The following C1orf105 variants were observed in gnomAD, a reference collection of about 807,000 sequenced individuals.
The protein encoded by C1orf105 is chromosome 1 open reading frame 105, also known as uncharacterized protein C1orf105.
C1orf105 carries 17 observed loss-of-function variants against 20.8 expected under a neutral mutation model. The observed-to-expected ratio is 0.82, with a 90% CI of 0.56 to 1.23. C1orf105 has a LOEUF of 1.23. C1orf105 is among the 50% of genes most tolerant of loss of function. C1orf105 has a pLI of 0.00. For synonymous variants in C1orf105, 72 were observed against 72.1 expected, an observed-to-expected ratio of 1.00 and a Z score of 0.01; for missense variants, 219 against 213.5, an observed-to-expected ratio of 1.03 and a Z score of -0.16.
chr1:172,468,695 C>A lies in C1orf105; in HGVS notation c.*101C>A. On this transcript the variant is annotated 3_prime_UTR_variant, in exon 7 of 7. Coordinates refer to ENST00000367727, the MANE Select transcript of C1orf105 (RefSeq NM_139240.4). ...TTCTCCTCACAATTTTCTCTCTTCTCCCAAAAGATGATTTAATTTTGCCTT... is the reference window on the plus strand; with the variant it reads ...TTCTCCTCACAATTTTCTCTCTTCTACCAAAAGATGATTTAATTTTGCCTT... The A allele has an allele frequency of 7.6e-7, 1 of 1,316,446 alleles. No homozygotes were observed. Among genetic ancestry groups the A allele is most frequent in the Non-Finnish European group, 1.0e-6 (1 of 959,648 alleles). 81.5% of individuals were successfully genotyped at this position (1,316,446 alleles called of 1,614,324 possible). A position where few individuals can be genotyped will look rare whatever the true frequency, so the allele number is the denominator to read the frequency against.
chr1:172,464,519 A>C (rs1649905394), intron 5 of C1orf105, among the ~76,000 whole-genome samples: 2 of 152,222 alleles, frequency 1.3e-5, no homozygotes, highest in African/African-American at 4.8e-5. Context: ...GGTCACCTCC[A>C]CAGCCTTGGC....
rs554054920 is a variant in C1orf105 at position 172,428,726 on chromosome 1, T to C, written c.21+7820T>C. ...ACTTACTACCTTCCATTTATGTTTA[T>C]TATCTATCTCCTCCTGCTATAATGT... On this transcript the variant is annotated intron_variant, in intron 1 of 6. Coordinates refer to ENST00000367727, the MANE Select transcript of C1orf105 (RefSeq NM_139240.4). The C allele has an allele frequency of 8.6e-5, 56 of 648,388 alleles. No individual in the cohort carries two copies. In the Admixed American group the frequency reaches 1.5e-3, roughly 17 times the overall value. The allele number at this position is 648,388 out of a possible 1,614,324, so 40.2% of individuals were successfully genotyped here. A position where few individuals can be genotyped will look rare whatever the true frequency, so the allele number is the denominator to read the frequency against.
At chr1:172,427,807 T>C (rs993719987) in intron 1 of C1orf105, among the ~76,000 whole-genome samples, 8 of 152,310 alleles carry the variant, frequency 5.3e-5, no homozygotes, top group African/African-American at 1.9e-4. Context: ...GAGTTCTTGG[T>C]CCTTTTCTGT....
At chr1:172,422,934 C>T (rs1220566979) in intron 1 of C1orf105, among the ~76,000 whole-genome samples, 2 of 152,162 alleles carry the variant, frequency 1.3e-5, no homozygotes, top group Admixed American at 6.5e-5. Context: ...GGAAGGACTT[C>T]AGTGGTTCGG....
chr1:172,435,263 C>T (rs2072002368), intron 1 of C1orf105, among the ~76,000 whole-genome samples: 1 of 152,154 alleles, frequency 6.6e-6, no homozygotes, highest in South Asian at 2.1e-4. Context: ...CAGCATCATC[C>T]TGATACCAAA....
intron 1 of C1orf105, chr1:172,430,446 TTTTA>T: frequency 1.7e-6 from 1 of 595,944 alleles, no homozygotes; most frequent in Non-Finnish European, 3.0e-6. Context: ...TTAAACCTTT[TTTTA>T]TTTATTTTTG....
chr1:172,453,493 C>T (rs1004937680), intron 3 of C1orf105, among the ~76,000 whole-genome samples: 6 of 152,168 alleles, frequency 3.9e-5, no homozygotes, highest in African/African-American at 1.2e-4. Context: ...CAATAGTGAT[C>T]TTCATTTATA....
intron 3 of C1orf105, among the ~76,000 whole-genome samples, chr1:172,453,515 C>T (rs571795266): frequency 1.3e-5 from 2 of 152,206 alleles, no homozygotes; most frequent in Admixed American, 6.5e-5. Context: ...ATGTATTTTT[C>T]GTTTTATATA....
chr1:172,467,672 T>C (rs556564244), intron 6 of C1orf105, among the ~76,000 whole-genome samples: 1 of 152,180 alleles, frequency 6.6e-6, no homozygotes, highest in Admixed American at 6.5e-5. Flanking sequence ...CTGAACTGGA[T>C]CCAAGGTTTG....
At chr1:172,422,945 G>A (rs1293395197) in intron 1 of C1orf105, among the ~76,000 whole-genome samples, 3 of 152,124 alleles carry the variant, frequency 2.0e-5, no homozygotes, top group Non-Finnish European at 4.4e-5. Flanking sequence ...AGTGGTTCGG[G>A]TGCCAGGTCA....
chr1:172,428,422 C>G (rs569434671), intron 1 of C1orf105, among the ~76,000 whole-genome samples: 3 of 152,234 alleles, frequency 2.0e-5, no homozygotes, highest in Non-Finnish European at 4.4e-5. Context: ...CATACATAAT[C>G]TAGCTTCCCA....
intron 3 of C1orf105, among the ~76,000 whole-genome samples, chr1:172,455,755 C>G (rs1249329084): frequency 2.0e-5 from 3 of 152,156 alleles, no homozygotes; most frequent in African/African-American, 7.2e-5. Flanking sequence ...ACTGAGACAG[C>G]CTCTCTTTCC....
chr1:172,442,997 GAAT>G (rs1470715493), intron 1 of C1orf105: 5 of 192,182 alleles, frequency 2.6e-5, no homozygotes. Context: ...ATAATTCCTT[GAAT>G]AATAATAGAC....
At chr1:172,425,990 C>G (rs1408445787) in intron 1 of C1orf105, among the ~76,000 whole-genome samples, 6 of 151,568 alleles carry the variant, frequency 4.0e-5, no homozygotes, top group Admixed American at 3.3e-4. Context: ...CCCCTGGATT[C>G]TAGGCCACTC....
chr1:172,430,945 G>T, intron 1 of C1orf105: 1 of 427,154 alleles, frequency 2.3e-6, no homozygotes, highest in South Asian at 8.0e-5. Flanking sequence ...CAATTGTTTT[G>T]GGGTACCACA....
intron 2 of C1orf105, among the ~76,000 whole-genome samples, chr1:172,447,360 T>C (rs1243085339): frequency 6.6e-6 from 1 of 152,254 alleles, no homozygotes; most frequent in African/African-American, 2.4e-5. Flanking sequence ...GTGCCTGTAC[T>C]GACCCACTTC....
chr1:172,422,875 T>G (rs2071626181), intron 1 of C1orf105, among the ~76,000 whole-genome samples: 1 of 152,062 alleles, frequency 6.6e-6, no homozygotes, highest in African/African-American at 2.4e-5. Flanking sequence ...TGTGGTGGTG[T>G]TGGACATGAG....
intron 1 of C1orf105, chr1:172,443,006 T>C (rs879504145): frequency 1.0e-4 from 19 of 189,550 alleles, no homozygotes; most frequent in Non-Finnish European, 2.1e-4. Flanking sequence ...TGAATAATAA[T>C]AGACATCTGT....
chr1:172,421,201 C>T (rs1573816118), intron 1 of C1orf105, among the ~76,000 whole-genome samples: 1 of 151,856 alleles, frequency 6.6e-6, no homozygotes, highest in East Asian at 1.9e-4. Context: ...TTTTTAAATC[C>T]TCAGAAAATT....
Sources: gnomAD v4.1 joint callset for allele counts (sites outside exome capture counted in the v4.1 genomes callset) on GRCh38, gnomAD v4.1.1 for gene constraint, MANE v1.5 for transcripts, NCBI Gene and HGNC (gene_info 2026-07-23, HGNC 2026-07-21) for gene names.